TMED3: variants seen among roughly 807,000 people sequenced by gnomAD.
The protein encoded by TMED3 is transmembrane p24 trafficking protein 3, also known as transmembrane emp24 domain-containing protein 3.
TMED3 carries 9 observed loss-of-function variants against 15.0 expected under a neutral mutation model. The ratio of observed to expected loss-of-function variants is 0.60; its 90% CI spans 0.36 to 1.04. The LOEUF is 1.04. Among genes scored for constraint, TMED3 ranks in the 50% least tolerant of loss-of-function variants. TMED3 has a pLI of 0.01. For missense variants in TMED3, 267 were observed against 278.9 expected, an observed-to-expected ratio of 0.96 and a Z score of 0.30; for synonymous variants, 117 against 121.4, an observed-to-expected ratio of 0.96 and a Z score of 0.24.
rs530114055 is a variant in TMED3 at position 79,363,929 on chromosome 15, A to G, written c.418-47471A>G. Among the ~76,000 whole-genome samples, 9 of 152,280 alleles carry G rather than the reference A, an allele frequency of 5.9e-5. No homozygotes were observed. The South Asian group carries it at 1.9e-3, about 32-fold the overall frequency. The stretch of plus-strand genomic sequence containing the variant: ...CCAAACTCTCCGATGTCTTACAGGT[A>G]AGGGTTTTTTAAGTCGGAGAGGCAG... On this transcript the variant is annotated intron_variant, in intron 2 of 2. Transcript: ENST00000424155.
intron 2 of TMED3, among the ~76,000 whole-genome samples, chr15:79,349,695 A>G (rs1185285654): frequency 1.3e-5 from 2 of 152,036 alleles, no homozygotes; most frequent in Non-Finnish European, 2.9e-5. Context: ...GTCTCCTCCC[A>G]GCTCCCCAGC....
rs930699359 is a variant in TMED3 at position 79,404,711 on chromosome 15, G to A, written c.418-6689G>A. 3.3e-5 allele frequency among the ~76,000 whole-genome samples: 5 copies of A among 152,284 alleles called. 1 individual carries two copies. In the South Asian group the frequency reaches 1.0e-3, roughly 32 times the overall value. On this transcript the variant is annotated intron_variant, in intron 2 of 2. Transcript: ENST00000424155. Reference sequence around the variant, plus strand: ...TTTGCCGCTACCCAGAAGTTTATGTGTGGTTTTACTTCATCCCACTTCTCC... The same window carrying A: ...TTTGCCGCTACCCAGAAGTTTATGTATGGTTTTACTTCATCCCACTTCTCC...
chr15:79,407,584 G>A (rs868385313), intron 2 of TMED3, among the ~76,000 whole-genome samples: 3 of 152,140 alleles, frequency 2.0e-5, no homozygotes, highest in African/African-American at 4.8e-5. Flanking sequence ...GTCAAGGGTT[G>A]GCCAACTATA....
At chr15:79,325,514 A>G (rs943318987), downstream of TMED3, among the ~76,000 whole-genome samples, 1 of 152,206 alleles carries the variant, frequency 6.6e-6, no homozygotes, top group Non-Finnish European at 1.5e-5. Flanking sequence ...TAAAATGAAC[A>G]CGTGTATTAG....
chr15:79,376,102 T>TTG (rs1277486821), intron 2 of TMED3, among the ~76,000 whole-genome samples: 4 of 3,546 alleles, frequency 1.1e-3, no homozygotes, highest in Non-Finnish European at 8.3e-3. Flanking sequence ...GTTTTTTTTT[T>TTG]TTTTTTTTTT....
chr15:79,337,762 G>A (rs2058832392), intron 2 of TMED3, among the ~76,000 whole-genome samples: 1 of 152,214 alleles, frequency 6.6e-6, no homozygotes, highest in Admixed American at 6.5e-5. Flanking sequence ...GTGTGAGGAT[G>A]AGCAGACCAC....
intron 2 of TMED3, among the ~76,000 whole-genome samples, chr15:79,374,262 G>A (rs966454521): frequency 1.3e-5 from 2 of 152,142 alleles, no homozygotes; most frequent in African/African-American, 4.8e-5. Context: ...GTATCTTATT[G>A]CTACAAAGAG....
At chr15:79,370,295 A>G (rs934564896) in intron 2 of TMED3, among the ~76,000 whole-genome samples, 1 of 131,168 alleles carries the variant, frequency 7.6e-6, no homozygotes, top group Non-Finnish European at 1.6e-5. Context: ...TTTTTTTGCA[A>G]TAGCAGCAGC....
chr15:79,320,703 C>T (rs768706615), intron 2 of TMED3, among the ~76,000 whole-genome samples: 3 of 152,160 alleles, frequency 2.0e-5, no homozygotes, highest in Non-Finnish European at 4.4e-5. Flanking sequence ...AAGAACTCAA[C>T]GTTTTCCCAC....
At chr15:79,392,364 G>A (rs1462439331) in intron 2 of TMED3, among the ~76,000 whole-genome samples, 1 of 152,080 alleles carries the variant, frequency 6.6e-6, no homozygotes, top group African/African-American at 2.4e-5. Context: ...CATATATGAT[G>A]CTTAGTTTTG....
intron 2 of TMED3, among the ~76,000 whole-genome samples, chr15:79,393,418 G>T (rs1338686713): frequency 6.6e-6 from 1 of 152,140 alleles, no homozygotes; most frequent in South Asian, 2.1e-4. Context: ...CAAGGCACTC[G>T]GGACTTGGTT....
chr15:79,396,402 G>T (rs1259238292), intron 2 of TMED3, among the ~76,000 whole-genome samples: 1 of 152,158 alleles, frequency 6.6e-6, no homozygotes, highest in Non-Finnish European at 1.5e-5. Context: ...AATGGCTGGG[G>T]GCTAGAATCT....
In TMED3 at chr15:79,321,852, T is replaced by G. The variant is rs538203596; in HGVS notation, c.418-126T>G. The G allele has an allele frequency of 7.2e-5, 87 of 1,207,444 alleles. 1 individual carries two copies. In the Admixed American group the frequency reaches 1.8e-3, roughly 26 times the overall value. 74.8% of individuals were successfully genotyped at this position (1,207,444 alleles called of 1,614,324 possible). On this transcript the variant is annotated intron_variant, in intron 2 of 2. Transcript: ENST00000299705. ...ATTAAATAAAACCACGTAAAACCCT[T>G]AGCACAGACTCTTAGTTAGCATTCA... is the stretch of plus-strand genomic sequence containing the variant.
chr15:79,358,984 A>G (rs1230585347), intron 2 of TMED3, among the ~76,000 whole-genome samples: 2 of 152,190 alleles, frequency 1.3e-5, no homozygotes, highest in Non-Finnish European at 2.9e-5. Context: ...CCAAACCTGC[A>G]TCTACTGGGA....
intron 2 of TMED3, among the ~76,000 whole-genome samples, chr15:79,363,692 A>T (rs1893175053): frequency 6.6e-6 from 1 of 152,228 alleles, no homozygotes; most frequent in Non-Finnish European, 1.5e-5. Flanking sequence ...TTTAAAAGGA[A>T]ATTGTTAATT....
chr15:79,329,566 G>C (rs1043599455), intron 2 of TMED3, among the ~76,000 whole-genome samples: 1 of 152,254 alleles, frequency 6.6e-6, no homozygotes, highest in African/African-American at 2.4e-5. Flanking sequence ...CAGAGAGGGA[G>C]AGAGTGTGAA....
chr15:79,411,140 C>G (rs1283782650), intron 2 of TMED3, among the ~76,000 whole-genome samples: 2 of 152,162 alleles, frequency 1.3e-5, no homozygotes, highest in African/African-American at 4.8e-5. Context: ...CGGGGTCACA[C>G]AGGCATCCAG....
chr15:79,386,054 C>G (rs978394477), intron 2 of TMED3, among the ~76,000 whole-genome samples: 1 of 152,102 alleles, frequency 6.6e-6, no homozygotes, highest in Non-Finnish European at 1.5e-5. Context: ...GGCTGGGAAT[C>G]AGAGAAAGTA....
downstream of TMED3, among the ~76,000 whole-genome samples, chr15:79,323,596 A>G (rs1052035557): frequency 7.2e-5 from 11 of 152,234 alleles, no homozygotes; most frequent in African/African-American, 2.4e-4. Context: ...GCACTGCAAC[A>G]TGACCCATTG....
Sources: allele counts gnomAD v4.1 joint callset (sites outside exome capture counted in the v4.1 genomes callset), GRCh38; gene constraint gnomAD v4.1.1; transcripts MANE v1.5; gene names NCBI Gene and HGNC (gene_info 2026-07-23, HGNC 2026-07-21).